Variants in COL21A1 observed in about 807,000 individuals in gnomAD.
The protein encoded by COL21A1 is collagen alpha-1(XXI) chain.
COL21A1 carries 149 observed loss-of-function variants against 137.9 expected under a neutral mutation model. That is an observed-to-expected ratio of 1.08 (90% CI 0.95 to 1.24). COL21A1 has a LOEUF of 1.24. Ranked by LOEUF, COL21A1 falls within the 50% of genes most tolerant of loss-of-function variation. COL21A1 has a pLI of 0.00. For missense variants in COL21A1, 1,167 were observed against 1,158.4 expected, an observed-to-expected ratio of 1.01 and a Z score of -0.11; for synonymous variants, 456 against 391.5, an observed-to-expected ratio of 1.16 and a Z score of -1.95.
intron 16 of COL21A1, among the ~76,000 whole-genome samples, chr6:56,103,948 T>C (rs886238977): frequency 4.6e-5 from 7 of 152,286 alleles, no homozygotes; most frequent in African/African-American, 1.4e-4. Context: ...AACACTACTC[T>C]AGCCCAGATC....
At chr6:56,157,566 C>A (rs534241836) in intron 9 of COL21A1, among the ~76,000 whole-genome samples, 73 of 152,204 alleles carry the variant, frequency 4.8e-4, no homozygotes, top group Non-Finnish European at 9.9e-4. Flanking sequence ...CTGCCTCAGC[C>A]TTCCAAACTG....
intron 1 of COL21A1, among the ~76,000 whole-genome samples, chr6:56,353,155 C>G (rs540856059): frequency 9.3e-4 from 142 of 152,288 alleles, no homozygotes; most frequent in South Asian, 7.1e-3. Flanking sequence ...ATTTTGCTCC[C>G]TATGAACATG....
At chr6:56,194,776 C>G (rs544387986) in intron 1 of COL21A1, among the ~76,000 whole-genome samples, 1 of 152,198 alleles carries the variant, frequency 6.6e-6, no homozygotes, top group Admixed American at 6.5e-5. Context: ...ATACTGATTA[C>G]ATAGCTTTAG....
At chr6:56,174,381 G>A (rs1340382410) in intron 3 of COL21A1, among the ~76,000 whole-genome samples, 3 of 151,934 alleles carry the variant, frequency 2.0e-5, no homozygotes. Flanking sequence ...ACAAAGCTAA[G>A]AGTTGCTTTT....
At chr6:56,378,701 G>C (rs2094003828) in intron 1 of COL21A1, among the ~76,000 whole-genome samples, 1 of 152,198 alleles carries the variant, frequency 6.6e-6, no homozygotes, top group Non-Finnish European at 1.5e-5. Context: ...GCCACTTGCT[G>C]ATTATAGAGC....
chr6:56,392,818 A>G (rs769953870), intron 1 of COL21A1, among the ~76,000 whole-genome samples: 1 of 152,180 alleles, frequency 6.6e-6, no homozygotes, highest in Non-Finnish European at 1.5e-5. Flanking sequence ...AATGAAAACT[A>G]TAAAACATTG....
intron 9 of COL21A1, among the ~76,000 whole-genome samples, chr6:56,159,573 C>T (rs557322537): frequency 7.9e-5 from 12 of 151,670 alleles, no homozygotes; most frequent in Admixed American, 5.2e-4. Context: ...CCTCATGATC[C>T]ATCCACCTCT....
chr6:56,229,921 T>C (rs1781446361), intron 1 of COL21A1, among the ~76,000 whole-genome samples: 1 of 151,908 alleles, frequency 6.6e-6, no homozygotes. Context: ...ATTTTTATGG[T>C]AGTGTTTTTT....
intron 1 of COL21A1, among the ~76,000 whole-genome samples, chr6:56,355,284 C>A (rs1350870889): frequency 6.6e-6 from 1 of 152,180 alleles, no homozygotes; most frequent in Non-Finnish European, 1.5e-5. Flanking sequence ...CTGCCAATTT[C>A]TAGAAACACA....
intron 9 of COL21A1, among the ~76,000 whole-genome samples, chr6:56,161,197 T>C (rs1287601008): frequency 1.3e-5 from 2 of 152,222 alleles, no homozygotes. Flanking sequence ...GAGATATGGC[T>C]ATAGTAAAAT....
chr6:56,343,905 G>A (rs1301259922), intron 1 of COL21A1, among the ~76,000 whole-genome samples: 2 of 152,084 alleles, frequency 1.3e-5, no homozygotes, highest in South Asian at 2.1e-4. Flanking sequence ...ATAACTGTAC[G>A]ACTGCACTCC....
In COL21A1 at chr6:56,208,937, T is replaced by C. The variant is rs561884720; in HGVS notation, c.-38-26281A>G. ...CAAGCAACAGGGAAAGGATTCCTTA[T>C]TTAATAAATGGTGTTTGGAAAACTA... On this transcript the variant is annotated intron_variant, in intron 1 of 29. Coordinates refer to ENST00000244728, the MANE Select transcript of COL21A1 (RefSeq NM_030820.4). 6.6e-5 allele frequency among the ~76,000 whole-genome samples: 10 copies of C among 152,308 alleles called. No homozygotes were observed. In the South Asian group the frequency reaches 2.1e-3, roughly 32 times the overall value.
chr6:56,238,921 G>A (rs905208290), intron 1 of COL21A1, among the ~76,000 whole-genome samples: 2 of 152,136 alleles, frequency 1.3e-5, no homozygotes, highest in African/African-American at 2.4e-5. Flanking sequence ...ATGCCAAAGG[G>A]TTTATGTGCA....
chr6:56,233,611 G>A (rs1781721469), intron 1 of COL21A1, among the ~76,000 whole-genome samples: 1 of 151,318 alleles, frequency 6.6e-6, no homozygotes, highest in Non-Finnish European at 1.5e-5. Flanking sequence ...AGAATATTCA[G>A]AAGAAAAAAC....
At chr6:56,203,526 G>A (rs1779543717) in intron 1 of COL21A1, among the ~76,000 whole-genome samples, 1 of 152,184 alleles carries the variant, frequency 6.6e-6, no homozygotes, top group African/African-American at 2.4e-5. Flanking sequence ...CCAGATCTGG[G>A]GCATGTGAGA....
At chr6:56,245,070 T>C (rs1043033375) in intron 1 of COL21A1, among the ~76,000 whole-genome samples, 1 of 152,224 alleles carries the variant, frequency 6.6e-6, no homozygotes, top group Non-Finnish European at 1.5e-5. Flanking sequence ...TCTTATATTT[T>C]CTTGAACAAA....
At chr6:56,187,098 C>G (rs1040133791) in intron 1 of COL21A1, among the ~76,000 whole-genome samples, 1 of 152,116 alleles carries the variant, frequency 6.6e-6, no homozygotes, top group Non-Finnish European at 1.5e-5. Context: ...GTTCTGAAGG[C>G]TGGAACGTCC....
At position 56,179,950 on chromosome 6, in the gene COL21A1, G is replaced by A; in HGVS notation, c.268C>T (p.Pro90Ser). ...QYSDYPVLEI[P>S]LGSYDSGEHL... ...TCTCCTGAATCATAGCTTCCGAGAGGAATCTCCAGCACAGGGTAGTCACTA... is the reference window on the plus strand; with the variant it reads ...TCTCCTGAATCATAGCTTCCGAGAGAAATCTCCAGCACAGGGTAGTCACTA... Residue 90 changes from proline (P) to serine (S), a missense_variant, in exon 3 of 30, where the codon CCT becomes TCT. Coordinates refer to ENST00000244728, the MANE Select transcript of COL21A1 (RefSeq NM_030820.4). 6.2e-7 allele frequency: 1 copy of A among 1,613,868 alleles called. No homozygotes were observed. The highest frequency in any genetic ancestry group is 8.5e-7 in the Non-Finnish European group (1 of 1,179,860).
At chr6:56,363,370 T>C (rs1227915594) in intron 1 of COL21A1, among the ~76,000 whole-genome samples, 1 of 152,218 alleles carries the variant, frequency 6.6e-6, no homozygotes, top group African/African-American at 2.4e-5. Flanking sequence ...TGTTTTCATA[T>C]CTTCATTTTT....
Sources: gnomAD v4.1 joint callset for allele counts (sites outside exome capture counted in the v4.1 genomes callset) on GRCh38, gnomAD v4.1.1 for gene constraint, MANE v1.5 for transcripts, NCBI Gene and HGNC (gene_info 2026-07-23, HGNC 2026-07-21) for gene names.